The following PTPRD variants were observed in gnomAD, a reference collection of about 807,000 sequenced individuals.
PTPRD encodes receptor-type tyrosine-protein phosphatase delta.
In PTPRD, 34 loss-of-function variants were observed where a neutral mutation model predicts 214.5. That is an observed-to-expected ratio of 0.16 (90% CI 0.12 to 0.21). The LOEUF is 0.21. PTPRD is among the 10% of genes least tolerant of loss of function. The pLI is 1.00. For synonymous variants in PTPRD, 1,128 were observed against 845.7 expected, an observed-to-expected ratio of 1.33 and a Z score of -5.79; for missense variants, 2,545 against 2,398.7, an observed-to-expected ratio of 1.06 and a Z score of -1.27.
At chr9:10,200,792 G>C (rs1403024604) in intron 3 of PTPRD, among the ~76,000 whole-genome samples, 2 of 152,080 alleles carry the variant, frequency 1.3e-5, no homozygotes, top group Admixed American at 6.6e-5. Flanking sequence ...AATTTTACCT[G>C]AGGAAAAATA....
chr9:10,592,422 T>A (rs1189398842), intron 2 of PTPRD, among the ~76,000 whole-genome samples: 2 of 152,030 alleles, frequency 1.3e-5, no homozygotes, highest in East Asian at 1.9e-4. Context: ...GGGAAAAAAT[T>A]GTTTCGTGAT....
chr9:8,851,808 C>T (rs2097821131), intron 11 of PTPRD, among the ~76,000 whole-genome samples: 1 of 152,000 alleles, frequency 6.6e-6, no homozygotes, highest in African/African-American at 2.4e-5. Flanking sequence ...CCTCCGAGAG[C>T]TCACAGATAA....
chr9:10,440,132 T>C (rs2098749228), intron 2 of PTPRD, among the ~76,000 whole-genome samples: 1 of 151,614 alleles, frequency 6.6e-6, no homozygotes, highest in Admixed American at 6.6e-5. Context: ...TTTTTACTAT[T>C]AGTAATAACT....
intron 8 of PTPRD, among the ~76,000 whole-genome samples, chr9:9,484,912 G>T (rs1380476804): frequency 6.6e-6 from 1 of 152,126 alleles, no homozygotes; most frequent in East Asian, 1.9e-4. Flanking sequence ...TGAGTTATTA[G>T]AAGCATCAAT....
At chr9:9,689,129 T>C (rs949056529) in intron 7 of PTPRD, among the ~76,000 whole-genome samples, 4 of 151,914 alleles carry the variant, frequency 2.6e-5, no homozygotes, top group African/African-American at 9.7e-5. Context: ...GAGTTTCTTA[T>C]CAATTGTATA....
intron 4 of PTPRD, among the ~76,000 whole-genome samples, chr9:9,942,321 A>G (rs1027883440): frequency 2.6e-5 from 4 of 152,212 alleles, no homozygotes; most frequent in African/African-American, 9.6e-5. Flanking sequence ...CAGTAAATAA[A>G]AAGCATCTTC....
intron 44 of PTPRD, among the ~76,000 whole-genome samples, chr9:8,329,333 T>TATCA (rs1189323171): frequency 2.0e-5 from 3 of 152,142 alleles, no homozygotes; most frequent in South Asian, 2.1e-4. Context: ...GCCTGGGTAT[T>TATCA]ATCAGCAGAG....
Position 9,645,457 on chromosome 9 carries a change from G to GTATATA in PTPRD, c.-286-70682_-286-70677dup, listed in dbSNP as rs150506021. 4.3e-3 allele frequency among the ~76,000 whole-genome samples: 576 copies of GTATATA among 134,348 alleles called. 4 individuals are homozygous for GTATATA. Among genetic ancestry groups the GTATATA allele is most frequent in the Middle Eastern group, 0.016 (4 of 250 alleles). The allele number at this position is 134,348 out of a possible 152,430, so 88.1% of individuals were successfully genotyped here. A position where few individuals can be genotyped will look rare whatever the true frequency, so the allele number is the denominator to read the frequency against. On this transcript the variant is annotated intron_variant, in intron 7 of 45. Transcript: ENST00000381196. ...AATTATCAGGTTTCCCTACATATAT[G>GTATATA]TATATATATATATATATATATATTT...
At chr9:9,845,285 G>A (rs1464224765) in intron 5 of PTPRD, among the ~76,000 whole-genome samples, 1 of 145,026 alleles carries the variant, frequency 6.9e-6, no homozygotes, top group Admixed American at 6.9e-5. Context: ...TTTTCAAAGA[G>A]AAAAGAGAGA....
At chr9:10,034,015 T>A (rs904327013) in intron 3 of PTPRD, among the ~76,000 whole-genome samples, 2 of 152,092 alleles carry the variant, frequency 1.3e-5, no homozygotes, top group Non-Finnish European at 2.9e-5. Flanking sequence ...ATATACAGAA[T>A]CTTTTAGAAG....
chr9:10,584,267 C>T (rs965787672), intron 2 of PTPRD, among the ~76,000 whole-genome samples: 2 of 152,032 alleles, frequency 1.3e-5, no homozygotes, highest in African/African-American at 4.8e-5. Flanking sequence ...AGCCTAGGAA[C>T]TGTATTTGGC....
chr9:9,688,195 A>G (rs1256687297), intron 7 of PTPRD, among the ~76,000 whole-genome samples: 2 of 151,902 alleles, frequency 1.3e-5, no homozygotes, highest in Non-Finnish European at 2.9e-5. Flanking sequence ...CAGTATCTTT[A>G]TAGCAGTGTA....
At chr9:9,900,179 A>G (rs1601486372) in intron 5 of PTPRD, among the ~76,000 whole-genome samples, 1 of 152,222 alleles carries the variant, frequency 6.6e-6, no homozygotes, top group Non-Finnish European at 1.5e-5. Flanking sequence ...CCCAGGCTGC[A>G]GAATTTTCCA....
In PTPRD at chr9:8,547,904, T is replaced by C. The variant is rs573573233; in HGVS notation, c.353-19125A>G. 1.2e-4 allele frequency among the ~76,000 whole-genome samples: 18 copies of C among 152,330 alleles called. No homozygotes were observed. The East Asian group carries it at 2.1e-3, about 18-fold the overall frequency. On this transcript the variant is annotated intron_variant, in intron 14 of 45. Transcript: ENST00000381196. Reference sequence around the variant, plus strand: ...ATTTGTTCAATTTAACAAATATTTATTGAACACCTCTCAGACTCTCTGTGT... The same window carrying C: ...ATTTGTTCAATTTAACAAATATTTACTGAACACCTCTCAGACTCTCTGTGT...
intron 3 of PTPRD, among the ~76,000 whole-genome samples, chr9:10,082,839 AAAC>A (rs2098265116): frequency 3.5e-5 from 5 of 144,846 alleles, no homozygotes; most frequent in Admixed American, 2.7e-4. Context: ...ACACACACAC[AAAC>A]ACACACACAC....
intron 2 of PTPRD, among the ~76,000 whole-genome samples, chr9:10,592,747 C>G (rs1040988971): frequency 1.8e-4 from 28 of 151,982 alleles, no homozygotes; most frequent in African/African-American, 6.3e-4. Context: ...GATTGTAAAA[C>G]ACACCAATCA....
At chr9:9,435,251 T>C (rs78579796) in intron 8 of PTPRD, among the ~76,000 whole-genome samples, 61,862 of 151,776 alleles carry the variant, frequency 0.41, 12,827 homozygotes, top group Middle Eastern at 0.62. Context: ...TGGCTCACAC[T>C]TGTAATCTCA....
chr9:8,776,639 A>G (rs1466709340), intron 11 of PTPRD, among the ~76,000 whole-genome samples: 1 of 152,000 alleles, frequency 6.6e-6, no homozygotes, highest in African/African-American at 2.4e-5. Context: ...GGGTGATCCA[A>G]TGGGCTCTGT....
intron 7 of PTPRD, among the ~76,000 whole-genome samples, chr9:9,656,290 T>G (rs898378084): frequency 6.6e-6 from 1 of 152,202 alleles, no homozygotes; most frequent in South Asian, 2.1e-4. Context: ...TGAAAACTTA[T>G]GTCCACATAA....
Sources: allele counts gnomAD v4.1 joint callset (sites outside exome capture counted in the v4.1 genomes callset), GRCh38; gene constraint gnomAD v4.1.1; transcripts MANE v1.5; gene names NCBI Gene and HGNC (gene_info 2026-07-23, HGNC 2026-07-21).